PFKFB1: variants seen among roughly 807,000 people sequenced by gnomAD.
PFKFB1 encodes the protein 6-phosphofructo-2-kinase/fructose-2,6-biphosphatase 1, also known as 6-phosphofructo-2-kinase/fructose-2,6-bisphosphatase 1.
In PFKFB1, 34 loss-of-function variants were observed where a neutral mutation model predicts 46.4. That is an observed-to-expected ratio of 0.73 (90% CI 0.56 to 0.98). PFKFB1 has a LOEUF of 0.98. Ranked by LOEUF, PFKFB1 falls within the 50% of genes least tolerant of loss-of-function variation. PFKFB1 has a pLI of 0.00. For missense variants in PFKFB1, 393 were observed against 376.3 expected (o/e 1.04, Z -0.37); for synonymous variants, 119 against 133.8 (o/e 0.89, Z 0.76).
chrX:54,973,548 C>T (rs1934746962), intron 1 of PFKFB1, among the ~76,000 whole-genome samples: 1 of 111,313 alleles, frequency 9.0e-6, no homozygotes, highest in Non-Finnish European at 1.9e-5. Context: ...GTGTCTTGTT[C>T]TCGTTGGTTT....
intron 7 of PFKFB1, 38 bp downstream of exon 7, chrX:54,956,115 A>G (rs374767884): frequency 3.0e-5 from 30 of 998,762 alleles, no homozygotes; most frequent in Non-Finnish European, 4.1e-5. Context: ...AAACTGGGTG[A>G]AAGATCTAGA....
intron 10 of PFKFB1, among the ~76,000 whole-genome samples, chrX:54,940,747 C>G (rs1316604636): frequency 9.0e-6 from 1 of 111,327 alleles, no homozygotes; most frequent in Non-Finnish European, 1.9e-5. Flanking sequence ...AAAGAGGATA[C>G]AAACAAATGG....
Position 54,951,941 on chromosome X carries a change from G to A in PFKFB1, c.810C>T (p.Ile270=), listed in dbSNP as rs148350116. ...GESELNIRGR[I]GGDSGLSVRG... is the part of the protein sequence containing the mutation. ...GAACTGAGAGGCCAGAGTCACCTCC[G>A]ATGCGGCCTCTGATGTTGAGTTCAC... is the stretch of plus-strand genomic sequence containing the variant. Residue 270 remains isoleucine, a synonymous_variant, in exon 8 of 14, where the codon ATC becomes ATT. Transcript: ENST00000375006. 7.5e-6 allele frequency: 9 copies of A among 1,205,470 alleles called. No homozygotes were observed. In the African/African-American group the frequency reaches 8.7e-5, roughly 12 times the overall value.
chrX:54,996,325 C>A (rs1483689210), upstream of PFKFB1, among the ~76,000 whole-genome samples: 5 of 112,433 alleles, frequency 4.4e-5, no homozygotes, highest in South Asian at 7.3e-4. Context: ...TTGATCCTTG[C>A]AAACATCCTT....
At chrX:54,949,653 G>A (rs1933909683) in intron 8 of PFKFB1, among the ~76,000 whole-genome samples, 1 of 111,984 alleles carries the variant, frequency 8.9e-6, no homozygotes. Context: ...CAAGTCACAT[G>A]ACCAAGTTCT....
chrX:54,942,997 T>G (rs1363556988), intron 10 of PFKFB1, among the ~76,000 whole-genome samples: 1 of 111,001 alleles, frequency 9.0e-6, no homozygotes, highest in Non-Finnish European at 1.9e-5. Flanking sequence ...TTAGGAGACA[T>G]GAAGAATAGA....
intron 1 of PFKFB1, among the ~76,000 whole-genome samples, chrX:54,984,590 A>G (rs1237902096): frequency 8.9e-6 from 1 of 112,110 alleles, no homozygotes; most frequent in Non-Finnish European, 1.9e-5. Flanking sequence ...GTGCCATGCT[A>G]CTGTTCCCGA....
chrX:54,962,244 T>A (rs902504182), intron 2 of PFKFB1, among the ~76,000 whole-genome samples: 4 of 111,871 alleles, frequency 3.6e-5, no homozygotes, highest in Middle Eastern at 4.6e-3. Flanking sequence ...CAGTCCTCCA[T>A]GAGAGCTGCT....
At chrX:54,973,898 T>C (rs1176077101) in intron 1 of PFKFB1, among the ~76,000 whole-genome samples, 1 of 111,384 alleles carries the variant, frequency 9.0e-6, no homozygotes, top group African/African-American at 3.3e-5. Context: ...AGACAAAATC[T>C]TTAGGTATAA....
intron 9 of PFKFB1, among the ~76,000 whole-genome samples, chrX:54,946,013 G>A (rs973220838): frequency 3.6e-5 from 4 of 110,038 alleles, no homozygotes; most frequent in Non-Finnish European, 7.6e-5. Flanking sequence ...GTGTGCTTGC[G>A]TGTGTGTGTG....
intron 1 of PFKFB1, among the ~76,000 whole-genome samples, chrX:54,973,478 A>G (rs1934743546): frequency 9.0e-6 from 1 of 110,613 alleles, no homozygotes; most frequent in Non-Finnish European, 1.9e-5. Context: ...GTGGGCATTT[A>G]GTGCTATAAA....
chrX:54,993,786 T>C (rs1935304237), intron 1 of PFKFB1, 125 bp downstream of exon 1: 1 of 935,960 alleles, frequency 1.1e-6, no homozygotes, highest in African/African-American at 2.0e-5. Flanking sequence ...TTTCATCCAG[T>C]TGTTCATCTA....
At chrX:54,970,337 T>C (rs956717009) in intron 1 of PFKFB1, among the ~76,000 whole-genome samples, 1 of 111,228 alleles carries the variant, frequency 9.0e-6, no homozygotes, top group Non-Finnish European at 1.9e-5. Context: ...TTTATTTTTT[T>C]AGTTTTATTA....
chrX:54,994,161 G>C lies in PFKFB1; in HGVS notation c.-154C>G. ...GGGTTTCTGAGCCCTCTCAAAGTCT[G>C]TCTTCAGTCCCCTCTCTTCTTTCCT... On this transcript the variant is annotated 5_prime_UTR_variant, in exon 1 of 14. Coordinates refer to ENST00000375006, the MANE Select transcript of PFKFB1 (RefSeq NM_002625.4). 1 of 1,085,090 alleles carries C rather than the reference G, an allele frequency of 9.2e-7. No individual in the cohort carries two copies. The highest frequency in any genetic ancestry group is 3.0e-4 in the Middle Eastern group (1 of 3,379). 89.4% of individuals were successfully genotyped at this position (1,085,090 alleles called of 1,213,427 possible). A position where few individuals can be genotyped will look rare whatever the true frequency, so the allele number is the denominator to read the frequency against.
chrX:54,939,932 C>CACA (rs1188401469), intron 10 of PFKFB1, among the ~76,000 whole-genome samples: 1 of 110,972 alleles, frequency 9.0e-6, no homozygotes, highest in Non-Finnish European at 1.9e-5. Context: ...CAGGCAGAGA[C>CACA]ACAAAAAAAG....
At chrX:54,985,739 A>G (rs1378059175) in intron 1 of PFKFB1, among the ~76,000 whole-genome samples, 1 of 109,944 alleles carries the variant, frequency 9.1e-6, no homozygotes, top group Non-Finnish European at 1.9e-5. Context: ...GATATAATAT[A>G]TATATTATAA....
rs752145989 is a variant in PFKFB1 at position 54,970,154 on chromosome X, C to T, written c.98-6772G>A. On this transcript the variant is annotated intron_variant, in intron 1 of 13. Coordinates refer to ENST00000375006, the MANE Select transcript of PFKFB1 (RefSeq NM_002625.4). ...GAACTCTTGGCCTCAAGTGATCTGC[C>T]CACCTCAGTCTCCCAAAGTGCTGGG... 2.7e-5 allele frequency among the ~76,000 whole-genome samples: 3 copies of T among 110,889 alleles called. No homozygotes were observed. In the Admixed American group the frequency reaches 2.9e-4, roughly 11 times the overall value.
Position 54,945,637 on chromosome X carries a change from A to G in PFKFB1, c.994-94T>C. The G allele has an allele frequency of 5.3e-6, 3 of 566,037 alleles. No individual in the cohort carries two copies. In the South Asian group the frequency reaches 9.0e-5, roughly 17 times the overall value. The allele number at this position is 566,037 out of a possible 1,213,427, so 46.6% of individuals were successfully genotyped here. A position where few individuals can be genotyped will look rare whatever the true frequency, so the allele number is the denominator to read the frequency against. ...TTCGATGATTGTGAAACAGTAGCAC[A>G]TGAGCACCTGGGTCTCTGTGAACAC... On this transcript the variant is annotated intron_variant, in intron 9 of 13. Transcript: ENST00000375006.
intron 1 of PFKFB1, among the ~76,000 whole-genome samples, chrX:54,977,920 A>T (rs910659308): frequency 1.8e-5 from 2 of 111,179 alleles, no homozygotes; most frequent in East Asian, 5.7e-4. Flanking sequence ...GTCATTATAA[A>T]TTTGCTCAAG....
Sources: gnomAD v4.1 joint callset for allele counts (sites outside exome capture counted in the v4.1 genomes callset) on GRCh38, gnomAD v4.1.1 for gene constraint, MANE v1.5 for transcripts, NCBI Gene and HGNC (gene_info 2026-07-23, HGNC 2026-07-21) for gene names.